ASL: variants seen among roughly 807,000 people sequenced by gnomAD.
The protein encoded by ASL is argininosuccinate lyase, also known as argininosuccinase.
A neutral mutation model predicts 69.1 loss-of-function variants in ASL; 51 were observed. The ratio of observed to expected loss-of-function variants is 0.74; its 90% CI spans 0.59 to 0.93. The LOEUF is 0.93. Among genes scored for constraint, ASL ranks in the 40% least tolerant of loss-of-function variants. The pLI, the probability that ASL is intolerant of heterozygous loss-of-function variation, is 0.00. For missense variants in ASL, 540 were observed against 623.9 expected (o/e 0.87, Z 1.43); for synonymous variants, 241 against 247.6 (o/e 0.97, Z 0.25).
rs1175698932 is a variant in ASL at position 66,092,889 on chromosome 7, C to T, written c.1372C>T (p.Leu458=). 4 of 1,609,988 alleles carry T rather than the reference C, an allele frequency of 2.5e-6. No individual in the cohort carries two copies. Among genetic ancestry groups the T allele is most frequent in the Admixed American group, 3.3e-5 (2 of 59,990 alleles). The change falls in exon 17 of 17, where the codon CTA becomes TTA. Residue 458 remains leucine, a synonymous_variant. Transcript: ENST00000304874. ...VDWQIRQVRA[L]LQAQQA is the part of the protein sequence containing the mutation. ...CTGGCAGATCCGCCAGGTGCGGGCG[C>T]TACTGCAGGCACAGCAGGCCTAGGT...
chr7:66,084,369 C>T (rs1481592257), intron 6 of ASL, among the ~76,000 whole-genome samples: 4 of 151,838 alleles, frequency 2.6e-5, no homozygotes, highest in Non-Finnish European at 5.9e-5. Context: ...GCCATGTTGA[C>T]CAGGCTGGTC....
At chr7:66,087,103 G>A in intron 8 of ASL, 1 of 647,764 alleles carries the variant, frequency 1.5e-6, no homozygotes, top group Non-Finnish European at 2.7e-6. Context: ...CTGCACCCAG[G>A]GTGACTTAGT....
chr7:66,082,586 C>G, intron 4 of ASL, 135 bp downstream of exon 4: 30 of 1,053,464 alleles, frequency 2.8e-5, no homozygotes, highest in Non-Finnish European at 4.1e-5. Flanking sequence ...ATGAGCCAGG[C>G]ACCCTGGCTC....
chr7:66,085,894 T>TA (rs1310246536), intron 6 of ASL, among the ~76,000 whole-genome samples: 3 of 151,956 alleles, frequency 2.0e-5, no homozygotes, highest in Admixed American at 2.0e-4. Flanking sequence ...AGGCGTGAGT[T>TA]ACCGCGCCTG....
At position 66,089,473 on chromosome 7, in the gene ASL, C is replaced by CT. The variant is rs1205589911; in HGVS notation, c.979-138dup. On this transcript the variant is annotated intron_variant, in intron 13 of 16. Transcript: ENST00000304874. ...CTCCATCCGTGGCTGCCCTTGAACT[C>CT]TCTGCCCTTCCTTTGTTGGGGTATT... 41 of 1,429,606 alleles carry CT rather than the reference C, an allele frequency of 2.9e-5. No homozygotes were observed. In the South Asian group the frequency reaches 4.4e-4, roughly 15 times the overall value. The allele number at this position is 1,429,606 out of a possible 1,614,324, so 88.6% of individuals were successfully genotyped here.
chr7:66,076,303 C>A (rs529997543), intron 2 of ASL, among the ~76,000 whole-genome samples: 1 of 152,348 alleles, frequency 6.6e-6, no homozygotes, highest in South Asian at 2.1e-4. Flanking sequence ...CCGCAGGCAG[C>A]CCTTGTGGCA....
chr7:66,078,197 G>A (rs1262759311), intron 2 of ASL, among the ~76,000 whole-genome samples: 1 of 152,188 alleles, frequency 6.6e-6, no homozygotes, highest in Non-Finnish European at 1.5e-5. Context: ...TCCTGGCTGA[G>A]GGGCAGGCTG....
At chr7:66,092,111 G>T in intron 15 of ASL, 25 bp downstream of exon 15, 1 of 1,607,274 alleles carries the variant, frequency 6.2e-7, no homozygotes. Flanking sequence ...GCCAGGGGGA[G>T]GGTGAGGAGA....
chr7:66,076,581 G>A (rs1305889366), intron 2 of ASL, among the ~76,000 whole-genome samples: 1 of 152,166 alleles, frequency 6.6e-6, no homozygotes, highest in Non-Finnish European at 1.5e-5. Context: ...AGGGGACGTC[G>A]CCTCGTGGCT....
Position 66,082,978 on chromosome 7 carries a change from C to T in ASL, c.348+42C>T, listed in dbSNP as rs773194542. 133 of 1,612,086 alleles carry T rather than the reference C, an allele frequency of 8.3e-5. No homozygotes were observed. The East Asian group carries it at 2.9e-3, about 35-fold the overall frequency. On this transcript the variant is annotated intron_variant, in intron 5 of 16. Coordinates refer to ENST00000304874, the MANE Select transcript of ASL (RefSeq NM_000048.4). ...ACCCCCTGCTCCGTGTTGTCCCAAC[C>T]TTGAGGAGCCCAGGGGGCAGTTAGA... is the stretch of plus-strand genomic sequence containing the variant.
At chr7:66,084,777 G>A (rs758987928) in intron 6 of ASL, among the ~76,000 whole-genome samples, 1 of 152,006 alleles carries the variant, frequency 6.6e-6, no homozygotes, top group Non-Finnish European at 1.5e-5. Context: ...CCACCACCAC[G>A]CCCGGCTAAT....
intron 11 of ASL, 49 bp from the exon 12 acceptor site, chr7:66,089,042 G>T: frequency 6.2e-7 from 1 of 1,612,610 alleles, no homozygotes; most frequent in South Asian, 1.1e-5. Context: ...TTGCGGCGCT[G>T]GACCAGCCAA....
At chr7:66,076,632 CCCTG>C (rs1786353928) in intron 2 of ASL, among the ~76,000 whole-genome samples, 1 of 152,204 alleles carries the variant, frequency 6.6e-6, no homozygotes, top group Admixed American at 6.5e-5. Context: ...TCTCACTGGA[CCCTG>C]CCTCTTAGGG....
chr7:66,088,695 A>G (rs1786741660), intron 10 of ASL, 112 bp from the exon 11 acceptor site: 1 of 911,760 alleles, frequency 1.1e-6, no homozygotes, highest in Non-Finnish European at 1.8e-6. Flanking sequence ...CATCTTTGCG[A>G]AAAATGAAAA....
At chr7:66,089,822 C>T (rs1039418404) in intron 14 of ASL, 127 bp downstream of exon 14, 34 of 971,068 alleles carry the variant, frequency 3.5e-5, no homozygotes, top group Admixed American at 1.2e-4. Context: ...GAGAGGTGTG[C>T]TCGCTCCTGC....
At chr7:66,080,635 AT>A (rs1207517331) in intron 2 of ASL, among the ~76,000 whole-genome samples, 1 of 151,378 alleles carries the variant, frequency 6.6e-6, no homozygotes, top group Non-Finnish European at 1.5e-5. Context: ...AGGCAGGAAA[AT>A]TGGCTTGAAG....
In ASL at chr7:66,088,982, C is replaced by T. The variant is rs769682758; in HGVS notation, c.833+61C>T. The T allele has an allele frequency of 3.1e-6, 5 of 1,607,066 alleles. No homozygotes were observed. The South Asian group carries it at 4.4e-5, about 14-fold the overall frequency. On this transcript the variant is annotated intron_variant, in intron 11 of 16. Coordinates refer to ENST00000304874, the MANE Select transcript of ASL (RefSeq NM_000048.4). ...CGGCCTCTGTATCCCCCGCCGCCCG[C>T]GGACGTGGCTGCCTTCCTCCCCGTC...
At chr7:66,082,227 C>T in intron 3 of ASL, 141 bp from the exon 4 acceptor site, 2 of 1,065,500 alleles carry the variant, frequency 1.9e-6, no homozygotes, top group Non-Finnish European at 2.8e-6. Flanking sequence ...CCTGAGATGC[C>T]CCCTCCCAGG....
chr7:66,076,153 C>T (rs1786340962), intron 2 of ASL, 60 bp downstream of exon 2: 2 of 1,564,132 alleles, frequency 1.3e-6, no homozygotes, highest in African/African-American at 2.7e-5. Flanking sequence ...GTGGGGGCGC[C>T]AGACCTGCCT....
Sources: allele counts gnomAD v4.1 joint callset (sites outside exome capture counted in the v4.1 genomes callset), GRCh38; gene constraint gnomAD v4.1.1; transcripts MANE v1.5; gene names NCBI Gene and HGNC (gene_info 2026-07-23, HGNC 2026-07-21).